SLCO3A1: variants seen among roughly 807,000 people sequenced by gnomAD.
The protein encoded by SLCO3A1 is solute carrier organic anion transporter family member 3A1, also known as PGE1 transporter.
A neutral mutation model predicts 63.1 loss-of-function variants in SLCO3A1; 27 were observed. That is an observed-to-expected ratio of 0.43 (90% CI 0.32 to 0.59). SLCO3A1 has a LOEUF of 0.59. Among genes scored for constraint, SLCO3A1 ranks in the 20% least tolerant of loss-of-function variants. SLCO3A1 has a pLI of 0.09. For missense variants in SLCO3A1, 773 were observed against 945.8 expected (o/e 0.82, Z 2.40); for synonymous variants, 473 against 409.9 (o/e 1.15, Z -1.86).
chr15:92,087,519 T>TA (rs1175317971), intron 2 of SLCO3A1, among the ~76,000 whole-genome samples: 1 of 142,786 alleles, frequency 7.0e-6, no homozygotes, highest in African/African-American at 2.6e-5. Flanking sequence ...ATCTATTATT[T>TA]TTTTTTTTTT....
chr15:92,068,375 A>G (rs1349323464), intron 2 of SLCO3A1, among the ~76,000 whole-genome samples: 1 of 129,378 alleles, frequency 7.7e-6, no homozygotes, highest in African/African-American at 3.0e-5. Flanking sequence ...ACTCTGTTCT[A>G]CTTTCCTCTT....
At chr15:92,038,466 G>A (rs1597247285) in intron 2 of SLCO3A1, among the ~76,000 whole-genome samples, 2 of 152,200 alleles carry the variant, frequency 1.3e-5, no homozygotes, top group South Asian at 2.1e-4. Context: ...CAATAGACAA[G>A]CAGAGAGCCA....
At chr15:92,098,161 C>T (rs867518135) in intron 3 of SLCO3A1, 2 of 152,282 alleles carry the variant, frequency 1.3e-5, no homozygotes, top group Non-Finnish European at 2.9e-5. Context: ...AGGCGGCGTC[C>T]ACCACATAGC....
At chr15:91,918,652 A>G (rs917981212) in intron 2 of SLCO3A1, among the ~76,000 whole-genome samples, 2 of 152,224 alleles carry the variant, frequency 1.3e-5, no homozygotes, top group Non-Finnish European at 2.9e-5. Flanking sequence ...TGTATGAGCT[A>G]TAAAAAAAGT....
At chr15:91,868,617 T>C (rs1418116637) in intron 1 of SLCO3A1, among the ~76,000 whole-genome samples, 1 of 152,118 alleles carries the variant, frequency 6.6e-6, no homozygotes, top group Non-Finnish European at 1.5e-5. Context: ...GAAGTCCATG[T>C]CTGGGGCTGG....
intron 1 of SLCO3A1, among the ~76,000 whole-genome samples, chr15:91,880,004 A>G (rs1300678015): frequency 1.3e-5 from 2 of 152,120 alleles, no homozygotes; most frequent in Non-Finnish European, 2.9e-5. Context: ...AGAATGTCTG[A>G]ATGAAGCTGG....
intron 1 of SLCO3A1, among the ~76,000 whole-genome samples, chr15:91,890,258 G>A (rs1897837430): frequency 6.6e-6 from 1 of 152,150 alleles, no homozygotes; most frequent in Admixed American, 6.5e-5. Flanking sequence ...TGCTATATTT[G>A]CTGTATAATT....
intron 2 of SLCO3A1, among the ~76,000 whole-genome samples, chr15:92,007,460 G>A (rs1264610274): frequency 6.6e-6 from 1 of 152,190 alleles, no homozygotes; most frequent in Non-Finnish European, 1.5e-5. Context: ...TGGGGTGGAT[G>A]TCAGATGTTG....
At chr15:92,055,951 C>T (rs900573588) in intron 2 of SLCO3A1, among the ~76,000 whole-genome samples, 5 of 152,068 alleles carry the variant, frequency 3.3e-5, no homozygotes, top group South Asian at 2.1e-4. Flanking sequence ...ATCCACAAAC[C>T]GTGGTTAACT....
chr15:91,872,412 A>G lies in SLCO3A1; in HGVS notation c.180+18324A>G, dbSNP rs956854308. Among the ~76,000 whole-genome samples, 2 of 152,034 alleles carry G rather than the reference A, an allele frequency of 1.3e-5. No homozygotes were observed. Among genetic ancestry groups the G allele is most frequent in the African/African-American group, 4.8e-5 (2 of 41,392 alleles). On this transcript the variant is annotated intron_variant, in intron 1 of 9. Transcript: ENST00000318445. The surrounding 1 kb of genome is among the most constrained non-coding windows in gnomAD (Gnocchi z 4.1). The stretch of plus-strand genomic sequence containing the variant: ...CCGGGCATGGTGGCAGTTGCCTGTA[A>G]TCCCAGCTACTCGGCGGGCTGAGGT...
intron 8 of SLCO3A1, chr15:92,149,864 C>T (rs529098519): frequency 1.3e-5 from 2 of 152,188 alleles, no homozygotes; most frequent in Non-Finnish European, 2.9e-5. Flanking sequence ...GAATTTGTCT[C>T]TATTTATGTG....
rs532055415 is a variant in SLCO3A1 at position 91,898,016 on chromosome 15, G to A, written c.181-17977G>A. ...TTTGTTTCTGTTGTTCTTGGCTTGC[G>A]TTAAGGTGCCTCTCTCGACACGGTT... On this transcript the variant is annotated intron_variant, in intron 1 of 9. Transcript: ENST00000318445. Among the ~76,000 whole-genome samples, 10 of 152,332 alleles carry A rather than the reference G, an allele frequency of 6.6e-5. No homozygotes were observed. In the South Asian group the frequency reaches 1.4e-3, roughly 22 times the overall value.
intron 2 of SLCO3A1, among the ~76,000 whole-genome samples, chr15:92,016,254 T>TAGATAGATAGATAGA: frequency 4.2e-5 from 4 of 95,658 alleles, no homozygotes; most frequent in Non-Finnish European, 8.6e-5. Context: ...GATAGATAGA[T>TAGATAGATAGATAGA]TAGATAGATA....
At chr15:92,129,571 C>G (rs2047967895) in intron 7 of SLCO3A1, among the ~76,000 whole-genome samples, 1 of 152,162 alleles carries the variant, frequency 6.6e-6, no homozygotes, top group African/African-American at 2.4e-5. Flanking sequence ...TGTCTGTCAT[C>G]TGCTCTGGTC....
chr15:92,152,917 T>C (rs2048325946), intron 9 of SLCO3A1, among the ~76,000 whole-genome samples: 1 of 152,186 alleles, frequency 6.6e-6, no homozygotes, highest in South Asian at 2.1e-4. Context: ...TCTAGACAGA[T>C]ACTAAGGACT....
At chr15:92,019,456 A>G (rs1442031085) in intron 2 of SLCO3A1, among the ~76,000 whole-genome samples, 1 of 152,194 alleles carries the variant, frequency 6.6e-6, no homozygotes, top group Non-Finnish European at 1.5e-5. Context: ...GCTTCCTCCT[A>G]TTTATAAGCT....
intron 4 of SLCO3A1, among the ~76,000 whole-genome samples, chr15:92,119,237 G>T (rs933361048): frequency 1.3e-5 from 2 of 152,016 alleles, no homozygotes; most frequent in African/African-American, 4.8e-5. Context: ...TGTTTTCAAA[G>T]GATTTTTAAA....
At chr15:91,919,553 A>C (rs1898774250) in intron 2 of SLCO3A1, among the ~76,000 whole-genome samples, 1 of 152,244 alleles carries the variant, frequency 6.6e-6, no homozygotes, top group Non-Finnish European at 1.5e-5. Flanking sequence ...AGTGGAGACC[A>C]CTGGGCCCCT....
intron 2 of SLCO3A1, among the ~76,000 whole-genome samples, chr15:91,934,512 T>G (rs1028159790): frequency 3.3e-5 from 5 of 152,242 alleles, no homozygotes; most frequent in African/African-American, 1.2e-4. Flanking sequence ...AAATGACTTC[T>G]TTTTAATACA....
Sources: allele counts gnomAD v4.1 joint callset (sites outside exome capture counted in the v4.1 genomes callset), GRCh38; gene constraint gnomAD v4.1.1; non-coding constraint Gnocchi (gnomAD v3.1); transcripts MANE v1.5; gene names NCBI Gene and HGNC (gene_info 2026-07-23, HGNC 2026-07-21).